The following FAM53B variants were observed in gnomAD, a reference collection of about 807,000 sequenced individuals.
The protein encoded by FAM53B is protein FAM53B.
FAM53B carries 12 observed loss-of-function variants against 32.7 expected under a neutral mutation model. The ratio of observed to expected loss-of-function variants is 0.37; its 90% CI spans 0.24 to 0.59. The LOEUF is 0.59. Among genes scored for constraint, FAM53B ranks in the 20% least tolerant of loss-of-function variants. The pLI, the probability that FAM53B is intolerant of heterozygous loss-of-function variation, is 0.72. For synonymous variants in FAM53B, 234 were observed against 228.7 expected (o/e 1.02, Z -0.21); for missense variants, 477 against 577.7 (o/e 0.83, Z 1.79).
chr10:124,659,483 T>C (rs1366989443), intron 4 of FAM53B, among the ~76,000 whole-genome samples: 3 of 152,196 alleles, frequency 2.0e-5, no homozygotes, highest in Non-Finnish European at 2.9e-5. Context: ...CCAAAGATGC[T>C]CCAGCCCACG....
rs1036265269 is a variant in FAM53B, at chr10:124,682,738, G to A, written c.134-359C>T. Among the ~76,000 whole-genome samples the A allele has an allele frequency of 6.6e-6, 1 of 152,216 alleles. No homozygotes were observed. The highest frequency in any genetic ancestry group is 2.4e-5 in the African/African-American group (1 of 41,442). ...TATGGGTGGGAAATCGACTTGCCCT[G>A]AACCCTGCCCCTGGCTGATGAGAGA... is the stretch of plus-strand genomic sequence containing the variant. On this transcript the variant is annotated intron_variant, in intron 3 of 4. Coordinates refer to ENST00000337318, the MANE Select transcript of FAM53B (RefSeq NM_014661.4). The surrounding 1 kb of genome is among the most constrained non-coding windows in gnomAD (Gnocchi z 5.2).
intron 1 of FAM53B, among the ~76,000 whole-genome samples, chr10:124,719,606 C>G (rs1950057021): frequency 6.6e-6 from 1 of 152,206 alleles, no homozygotes; most frequent in Non-Finnish European, 1.5e-5. Flanking sequence ...GAAAGACTGC[C>G]AAGTACACCA....
intron 4 of FAM53B, among the ~76,000 whole-genome samples, chr10:124,676,672 T>C (rs1048668242): frequency 6.6e-6 from 1 of 152,174 alleles, no homozygotes; most frequent in East Asian, 1.9e-4. Context: ...GAGTCACTGA[T>C]GAGCATACGC....
chr10:124,694,348 T>C (rs1949854361), intron 3 of FAM53B, among the ~76,000 whole-genome samples: 4 of 152,246 alleles, frequency 2.6e-5, no homozygotes, highest in African/African-American at 4.8e-5. Context: ...CAGCCTCCGA[T>C]AGACTCTCCT....
chr10:124,729,901 G>C (rs896070341), intron 1 of FAM53B, among the ~76,000 whole-genome samples: 1 of 152,156 alleles, frequency 6.6e-6, no homozygotes, highest in African/African-American at 2.4e-5. Flanking sequence ...GAATGACTCT[G>C]CCCCTAGTTA....
intron 4 of FAM53B, among the ~76,000 whole-genome samples, chr10:124,639,307 T>A (rs953704754): frequency 6.6e-6 from 1 of 152,010 alleles, no homozygotes; most frequent in African/African-American, 2.4e-5. Flanking sequence ...CCTTAAAGAG[T>A]ACTGGAGGTG....
intron 4 of FAM53B, among the ~76,000 whole-genome samples, chr10:124,663,680 G>A (rs570663326): frequency 1.9e-4 from 29 of 152,286 alleles, no homozygotes; most frequent in South Asian, 6.2e-4. Flanking sequence ...TCTTCGTGCC[G>A]GAAGGTGAAC....
In FAM53B at chr10:124,619,669, A is replaced by T. The variant is rs3083728; in HGVS notation, c.*3573T>A. ...CGGTCTGCCATTAAAAAAAAAAAAAATCTTTCTCTTCTTTTCTCTTTAAAG... is the reference window on the plus strand; with the variant it reads ...CGGTCTGCCATTAAAAAAAAAAAAATTCTTTCTCTTCTTTTCTCTTTAAAG... On this transcript the variant is annotated 3_prime_UTR_variant, in exon 5 of 5. Coordinates refer to ENST00000337318, the MANE Select transcript of FAM53B (RefSeq NM_014661.4). 2,062 of 152,036 alleles carry T rather than the reference A, an allele frequency of 0.014. 69 individuals are homozygous for T. The highest frequency in any genetic ancestry group is 0.07 in the Admixed American group (1,066 of 15,230). 9.4% of individuals were successfully genotyped at this position (152,036 alleles called of 1,614,324 possible).
chr10:124,690,979 T>C (rs993501892), intron 3 of FAM53B, among the ~76,000 whole-genome samples: 6 of 152,246 alleles, frequency 3.9e-5, no homozygotes, highest in Admixed American at 2.0e-4. Flanking sequence ...TGAGAAGCTC[T>C]GATTTTGTTA....
At chr10:124,633,714 G>T (rs1949407733) in intron 4 of FAM53B, among the ~76,000 whole-genome samples, 1 of 152,098 alleles carries the variant, frequency 6.6e-6, no homozygotes, top group Admixed American at 6.5e-5. Flanking sequence ...TCAACAGATG[G>T]TACTGAAACA....
chr10:124,691,274 C>T (rs1411397329), intron 3 of FAM53B, among the ~76,000 whole-genome samples: 1 of 152,164 alleles, frequency 6.6e-6, no homozygotes, highest in Non-Finnish European at 1.5e-5. Flanking sequence ...AGTAATTAAA[C>T]CCTGAAAGTA....
chr10:124,728,433 G>C (rs1950121523), intron 1 of FAM53B, among the ~76,000 whole-genome samples: 1 of 152,218 alleles, frequency 6.6e-6, no homozygotes, highest in African/African-American at 2.4e-5. Flanking sequence ...CTCCCTTCTG[G>C]CCTCGCCCAC....
chr10:124,663,762 T>C (rs985477828), intron 4 of FAM53B, among the ~76,000 whole-genome samples: 2 of 152,016 alleles, frequency 1.3e-5, no homozygotes, highest in Non-Finnish European at 2.9e-5. Flanking sequence ...GGGCCTTCAT[T>C]TACCCCAGGG....
At chr10:124,636,172 G>A (rs1949430286) in intron 4 of FAM53B, among the ~76,000 whole-genome samples, 1 of 152,114 alleles carries the variant, frequency 6.6e-6, no homozygotes, top group African/African-American at 2.4e-5. Context: ...TCACATGATC[G>A]CTTGTGTTTT....
At chr10:124,640,507 G>A (rs1949463620) in intron 4 of FAM53B, among the ~76,000 whole-genome samples, 1 of 152,224 alleles carries the variant, frequency 6.6e-6, no homozygotes, top group South Asian at 2.1e-4. Context: ...CAAAGGTGGA[G>A]ATGCCATGAA....
chr10:124,637,244 C>T (rs756189603), intron 4 of FAM53B, among the ~76,000 whole-genome samples: 2 of 152,196 alleles, frequency 1.3e-5, no homozygotes, highest in Admixed American at 1.3e-4. Context: ...TCACAGGGTC[C>T]GCAGGTGGCA....
chr10:124,638,339 C>T (rs949410383), intron 4 of FAM53B, among the ~76,000 whole-genome samples: 2 of 152,114 alleles, frequency 1.3e-5, no homozygotes, highest in Non-Finnish European at 2.9e-5. Flanking sequence ...CACTGCACTC[C>T]AGCACTCCAG....
chr10:124,638,231 G>A (rs1949446738), intron 4 of FAM53B, among the ~76,000 whole-genome samples: 1 of 152,130 alleles, frequency 6.6e-6, no homozygotes. Context: ...TTAGCAGGGT[G>A]TGGTGGCGGG....
intron 1 of FAM53B, among the ~76,000 whole-genome samples, chr10:124,716,857 G>C (rs1302485184): frequency 6.6e-6 from 1 of 152,032 alleles, no homozygotes; most frequent in African/African-American, 2.4e-5. Context: ...ACCGGGGGAA[G>C]GGAAAGAATG....
Sources: allele counts gnomAD v4.1 joint callset (sites outside exome capture counted in the v4.1 genomes callset), GRCh38; gene constraint gnomAD v4.1.1; non-coding constraint Gnocchi (gnomAD v3.1); transcripts MANE v1.5; gene names NCBI Gene and HGNC (gene_info 2026-07-23, HGNC 2026-07-21).